The following PLCG1 variants were observed in gnomAD, a reference collection of about 807,000 sequenced individuals.
PLCG1 encodes 1-phosphatidylinositol 4,5-bisphosphate phosphodiesterase gamma-1.
In PLCG1, 71 loss-of-function variants were observed where a neutral mutation model predicts 177.8. The observed-to-expected ratio is 0.40, with a 90% CI of 0.33 to 0.49. The LOEUF (loss-of-function observed/expected upper bound fraction) is 0.49. Ranked by LOEUF, PLCG1 falls within the 20% of genes least tolerant of loss-of-function variation. The pLI, the probability that PLCG1 is intolerant of heterozygous loss-of-function variation, is 0.72. For synonymous variants in PLCG1, 658 were observed against 647.9 expected (o/e 1.02, Z -0.24); for missense variants, 1,281 against 1,709.0 (o/e 0.75, Z 4.42).
chr20:41,151,392 C>T lies in PLCG1; in HGVS notation c.218-8214C>T, dbSNP rs1301000269. Among the ~76,000 whole-genome samples the T allele has an allele frequency of 2.0e-5, 3 of 152,184 alleles. No homozygotes were observed. The highest frequency in any genetic ancestry group is 1.9e-4 in the East Asian group (1 of 5,204). On this transcript the variant is annotated intron_variant, in intron 1 of 31. Transcript: ENST00000685551. This position sits in a 1 kb window ranked among gnomAD's most constrained non-coding sequence, Gnocchi z 5.5. ...GAATCTAGACCAAGCTTGTCCAACT[C>T]GCTGCCCGCGGGTCTGGTTTGAAGG...
At position 41,166,317 on chromosome 20, in the gene PLCG1, G is replaced by C. The variant is rs1436246375; in HGVS notation, c.1923G>C (p.Gln641His). 6.2e-7 allele frequency: 1 copy of C among 1,614,080 alleles called. No homozygotes were observed. The highest frequency in any genetic ancestry group is 1.3e-5 in the African/African-American group (1 of 74,942). ...ATGACCTCATCACGCACTACCAGCA[G>C]GTGCCCCTGCGCTGTAATGAGTTTG... Reference protein sequence around the residue: ...SLYDLITHYQQVPLRCNEFEM... With the variant: ...SLYDLITHYQHVPLRCNEFEM... The change falls in exon 17 of 32, where the codon CAG becomes CAC. Residue 641 changes from glutamine (Q) to histidine (H), a missense_variant. Coordinates refer to ENST00000685551, the MANE Select transcript of PLCG1 (RefSeq NM_002660.3). This position sits in a 1 kb window ranked among gnomAD's most constrained non-coding sequence, Gnocchi z 8.6.
chr20:41,151,305 T>A lies in PLCG1; in HGVS notation c.218-8301T>A, dbSNP rs934781322. Among the ~76,000 whole-genome samples, 8 of 152,182 alleles carry A rather than the reference T, an allele frequency of 5.3e-5. No homozygotes were observed. The highest frequency in any genetic ancestry group is 1.9e-4 in the African/African-American group (8 of 41,436). ...GTCCCAGTTCTGCCATGACTCACCA[T>A]ATGACCATGACAAGACCCTTTGGAC... On this transcript the variant is annotated intron_variant, in intron 1 of 31. Transcript: ENST00000685551. This position sits in a 1 kb window ranked among gnomAD's most constrained non-coding sequence, Gnocchi z 5.5.
In PLCG1 at chr20:41,153,860, C is replaced by T. The variant is rs960976041; in HGVS notation, c.218-5746C>T. On this transcript the variant is annotated intron_variant, in intron 1 of 31. Transcript: ENST00000685551. This position sits in a 1 kb window ranked among gnomAD's most constrained non-coding sequence, Gnocchi z 5.1. ...GCAGTGAACCGAGATTGCACCACTG[C>T]ACTCCAGCCTGGGCAACAGAGCGAG... Among the ~76,000 whole-genome samples, 4 of 152,192 alleles carry T rather than the reference C, an allele frequency of 2.6e-5. No homozygotes were observed. The highest frequency in any genetic ancestry group is 4.8e-5 in the African/African-American group (2 of 41,438).
chr20:41,168,955 C>T (rs945225776), intron 21 of PLCG1, 85 bp downstream of exon 21: 1 of 1,139,114 alleles, frequency 8.8e-7, no homozygotes. Context: ...ATGTGCTTGT[C>T]TCCTGTGTGC....
At position 41,173,598 on chromosome 20, in the gene PLCG1, G is replaced by A; in HGVS notation, c.3395-54G>A. 1 of 1,614,068 alleles carries A rather than the reference G, an allele frequency of 6.2e-7. No individual in the cohort carries two copies. Among genetic ancestry groups the A allele is most frequent in the South Asian group, 1.1e-5 (1 of 91,074 alleles). ...GGGCACTGCAAGCCTCTCCCCACCAGTCATCCCATCCTCTCCCACGGTGAC... is the reference window on the plus strand; with the variant it reads ...GGGCACTGCAAGCCTCTCCCCACCAATCATCCCATCCTCTCCCACGGTGAC... On this transcript the variant is annotated intron_variant, in intron 28 of 31. Coordinates refer to ENST00000685551, the MANE Select transcript of PLCG1 (RefSeq NM_002660.3). The surrounding 1 kb of genome is among the most constrained non-coding windows in gnomAD (Gnocchi z 6.2).
rs1356726553 is a variant in PLCG1, at chr20:41,159,461, A to G, written c.218-145A>G. 1.3e-6 allele frequency: 1 copy of G among 743,686 alleles called. No individual in the cohort carries two copies. The highest frequency in any genetic ancestry group is 2.7e-5 in the East Asian group (1 of 37,306). The allele number at this position is 743,686 out of a possible 1,614,324, so 46.1% of individuals were successfully genotyped here. A position where few individuals can be genotyped will look rare whatever the true frequency, so the allele number is the denominator to read the frequency against. On this transcript the variant is annotated intron_variant, in intron 1 of 31. Transcript: ENST00000685551. The surrounding 1 kb of genome is among the most constrained non-coding windows in gnomAD (Gnocchi z 6.0). The stretch of plus-strand genomic sequence containing the variant: ...CTAGACTCAACCCAGCCCTCTTATT[A>G]CCAGAGTGACTGAGTGGTCTTGGCT...
chr20:41,157,814 G>C lies in PLCG1; in HGVS notation c.218-1792G>C, dbSNP rs13433162. On this transcript the variant is annotated intron_variant, in intron 1 of 31. Coordinates refer to ENST00000685551, the MANE Select transcript of PLCG1 (RefSeq NM_002660.3). The surrounding 1 kb of genome is among the most constrained non-coding windows in gnomAD (Gnocchi z 5.4). ...AGAGAGGGTGAGAGGGCAAAAGCTG[G>C]GGAGGTAAATTCCTGAGCCCTGTCA... Among the ~76,000 whole-genome samples the C allele has an allele frequency of 1.3e-5, 2 of 152,152 alleles. No individual in the cohort carries two copies. Among genetic ancestry groups the C allele is most frequent in the Admixed American group, 1.3e-4 (2 of 15,270 alleles).
Position 41,164,864 on chromosome 20 carries a change from C to G in PLCG1, c.1218-69C>G. The G allele has an allele frequency of 6.7e-7, 1 of 1,494,756 alleles. No individual in the cohort carries two copies. The highest frequency in any genetic ancestry group is 9.2e-7 in the Non-Finnish European group (1 of 1,092,196). The allele number at this position is 1,494,756 out of a possible 1,614,324, so 92.6% of individuals were successfully genotyped here. ...CAGGCCCTTGGCTTCCAACAGCTCA[C>G]TGTGAGGGGCTACTTAGACCCAGAG... On this transcript the variant is annotated intron_variant, in intron 12 of 31. Transcript: ENST00000685551. The surrounding 1 kb of genome is among the most constrained non-coding windows in gnomAD (Gnocchi z 6.4).
rs1160876081 is a variant in PLCG1, at chr20:41,173,334, C to T, written c.3280-86C>T. 1.4e-6 allele frequency: 2 copies of T among 1,402,756 alleles called. No individual in the cohort carries two copies. The highest frequency in any genetic ancestry group is 5.3e-5 in the Admixed American group (2 of 37,418). 86.9% of individuals were successfully genotyped at this position (1,402,756 alleles called of 1,614,324 possible). ...CCCAGCAGAGGGCGCGCTGCCTCCA[C>T]TCCACAGATGCTGACTGAGCCTCCG... is the stretch of plus-strand genomic sequence containing the variant. On this transcript the variant is annotated intron_variant, in intron 27 of 31. Transcript: ENST00000685551. This position sits in a 1 kb window ranked among gnomAD's most constrained non-coding sequence, Gnocchi z 6.2.
At chr20:41,139,314 G>C (rs568999102) in intron 1 of PLCG1, among the ~76,000 whole-genome samples, 2 of 152,316 alleles carry the variant, frequency 1.3e-5, no homozygotes, top group Admixed American at 1.3e-4. Flanking sequence ...ACTGCAAAGA[G>C]CTGAGATAAC....
At position 41,164,352 on chromosome 20, in the gene PLCG1, G is replaced by C. The variant is rs1191712734; in HGVS notation, c.1217+151G>C. The C allele has an allele frequency of 6.6e-6, 5 of 755,776 alleles. No homozygotes were observed. The highest frequency in any genetic ancestry group is 4.3e-6 in the Non-Finnish European group (2 of 465,748). 46.8% of individuals were successfully genotyped at this position (755,776 alleles called of 1,614,324 possible). A position where few individuals can be genotyped will look rare whatever the true frequency, so the allele number is the denominator to read the frequency against. The stretch of plus-strand genomic sequence containing the variant: ...TCCTCTTGGCCTCTCCTCGTCACCT[G>C]CTCCCTGCTTGAGCTGTTGCTTCCC... On this transcript the variant is annotated intron_variant, in intron 12 of 31. Transcript: ENST00000685551. The surrounding 1 kb of genome is among the most constrained non-coding windows in gnomAD (Gnocchi z 6.4).
chr20:41,141,903 C>T (rs2034843412), intron 1 of PLCG1, among the ~76,000 whole-genome samples: 1 of 152,232 alleles, frequency 6.6e-6, no homozygotes. Flanking sequence ...CACAGATGCA[C>T]AGGATTCAGT....
At chr20:41,162,885 C>T (rs1273974081) in intron 6 of PLCG1, 73 bp from the exon 7 acceptor site, 3 of 1,466,328 alleles carry the variant, frequency 2.0e-6, no homozygotes, top group Non-Finnish European at 1.9e-6. Context: ...CTGCTCTAGC[C>T]TGCCTTCTTA....
At chr20:41,170,682 A>G (rs536703421) in intron 24 of PLCG1, 1 of 170,288 alleles carries the variant, frequency 5.9e-6, no homozygotes, top group Admixed American at 6.0e-5. Context: ...GGAGCCCAGG[A>G]AAGGCAGGTC....
intron 20 of PLCG1, 117 bp downstream of exon 20, chr20:41,168,046 C>T (rs926136034): frequency 1.2e-5 from 9 of 767,624 alleles, no homozygotes; most frequent in Middle Eastern, 3.6e-4. Context: ...TTGTGGTTTT[C>T]CGAGGCCCAA....
At chr20:41,143,356 C>A (rs180842627) in intron 1 of PLCG1, among the ~76,000 whole-genome samples, 1 of 152,220 alleles carries the variant, frequency 6.6e-6, no homozygotes, top group Non-Finnish European at 1.5e-5. Context: ...GGGAGTGAGG[C>A]CTGAGATTGC....
At position 41,161,260 on chromosome 20, in the gene PLCG1, C is replaced by G. The variant is rs6016520; in HGVS notation, c.512+1107C>G. ...GAAGAAGACAGTGGTGAAATCTGACCGTTGACCCTTGGATTTAACATGGTG... is the reference window on the plus strand; with the variant it reads ...GAAGAAGACAGTGGTGAAATCTGACGGTTGACCCTTGGATTTAACATGGTG... On this transcript the variant is annotated intron_variant, in intron 4 of 31. Coordinates refer to ENST00000685551, the MANE Select transcript of PLCG1 (RefSeq NM_002660.3). Among the ~76,000 whole-genome samples the G allele has an allele frequency of 7.8e-3, 1,185 of 152,216 alleles. 11 individuals are homozygous for G. Among genetic ancestry groups the G allele is most frequent in the African/African-American group, 0.027 (1,122 of 41,528 alleles).
rs533945771 is a variant in PLCG1 at position 41,167,804 on chromosome 20, C to T, written c.2302-48C>T. 3.7e-6 allele frequency: 5 copies of T among 1,365,558 alleles called. No individual in the cohort carries two copies. The highest frequency in any genetic ancestry group is 1.4e-5 in the African/African-American group (1 of 70,282). 84.6% of individuals were successfully genotyped at this position (1,365,558 alleles called of 1,614,324 possible). ...TCCAGAAACCAGTAGCTGCTTTCTA[C>T]CTCTGGGCTCTGGGGCATTAACATA... On this transcript the variant is annotated intron_variant, in intron 19 of 31. Transcript: ENST00000685551. The surrounding 1 kb of genome is among the most constrained non-coding windows in gnomAD (Gnocchi z 4.4).
chr20:41,144,596 TC>T lies in PLCG1; in HGVS notation c.217+6740del, dbSNP rs1251533531. On this transcript the variant is annotated intron_variant, in intron 1 of 31. Coordinates refer to ENST00000685551, the MANE Select transcript of PLCG1 (RefSeq NM_002660.3). This position sits in a 1 kb window ranked among gnomAD's most constrained non-coding sequence, Gnocchi z 4.1. The stretch of plus-strand genomic sequence containing the variant: ...TGACTTTCTGGTTTGTGGTGACACT[TC>T]CGCCTAAGCTTCTACAGAACATGGG... Among the ~76,000 whole-genome samples, 3 of 152,190 alleles carry T rather than the reference TC, an allele frequency of 2.0e-5. No homozygotes were observed. Among genetic ancestry groups the T allele is most frequent in the Non-Finnish European group, 4.4e-5 (3 of 68,034 alleles).
Sources: gnomAD v4.1 joint callset for allele counts (sites outside exome capture counted in the v4.1 genomes callset) on GRCh38, gnomAD v4.1.1 for gene constraint, Gnocchi (gnomAD v3.1) non-coding constraint, MANE v1.5 for transcripts, NCBI Gene and HGNC (gene_info 2026-07-23, HGNC 2026-07-21) for gene names.